Variants in EXOSC10 observed in about 807,000 individuals in gnomAD.
The protein encoded by EXOSC10 is exosome complex component 10.
EXOSC10 carries 94 observed loss-of-function variants against 126.6 expected under a neutral mutation model. The observed-to-expected ratio is 0.74, with a 90% CI of 0.63 to 0.88. The LOEUF (loss-of-function observed/expected upper bound fraction) is 0.88, where lower values mean the gene tolerates loss of function less well. EXOSC10 is among the 40% of genes least tolerant of loss of function. The probability of loss-of-function intolerance (pLI) is 0.00; values close to 1 mark genes in which losing one functional copy is unlikely to be tolerated. For missense variants in EXOSC10, 1,041 were observed against 1,100.5 expected, an observed-to-expected ratio of 0.95 and a Z score of 0.77; for synonymous variants, 395 against 400.8, an observed-to-expected ratio of 0.99 and a Z score of 0.17.
At chr1:11,080,207 C>G (rs1389252380) in intron 13 of EXOSC10, among the ~76,000 whole-genome samples, 1 of 152,168 alleles carries the variant, frequency 6.6e-6, no homozygotes, top group Non-Finnish European at 1.5e-5. Context: ...GTACAGATGA[C>G]AGAATCTGGG....
At chr1:11,090,864 A>C in intron 5 of EXOSC10, 150 bp downstream of exon 5, 1 of 965,486 alleles carries the variant, frequency 1.0e-6, no homozygotes, top group Admixed American at 2.4e-5. Flanking sequence ...TGATCCTCCC[A>C]CTTCAGCCTC....
At chr1:11,066,894 G>T in intron 24 of EXOSC10, 146 bp from the exon 25 acceptor site, 1 of 839,018 alleles carries the variant, frequency 1.2e-6, no homozygotes, top group Non-Finnish European at 2.0e-6. Context: ...CGGCCCACCA[G>T]AGTTGGCTGA....
chr1:11,091,280 G>T, intron 4 of EXOSC10, 101 bp from the exon 5 acceptor site: 2 of 1,182,372 alleles, frequency 1.7e-6, no homozygotes, highest in Non-Finnish European at 2.4e-6. Context: ...ACATCGCAAA[G>T]GTCATTCATT....
At chr1:11,090,759 CTTTT>C (rs890716203) in intron 5 of EXOSC10, 91 bp from the exon 6 acceptor site, 6 of 908,624 alleles carry the variant, frequency 6.6e-6, no homozygotes, top group South Asian at 2.0e-5. Flanking sequence ...TGTTTTTTGG[CTTTT>C]TTTTTTGAGA....
chr1:11,088,671 C>T (rs1043817213), intron 6 of EXOSC10, among the ~76,000 whole-genome samples: 8 of 152,186 alleles, frequency 5.3e-5, no homozygotes. Context: ...CACGGTAGCC[C>T]AGGAGGGCAG....
chr1:11,077,101 C>G, intron 16 of EXOSC10, 153 bp from the exon 17 acceptor site: 2 of 641,930 alleles, frequency 3.1e-6, no homozygotes, highest in Non-Finnish European at 5.4e-6. Flanking sequence ...AAGTGATTCT[C>G]CTGCCTCTGC....
At position 11,081,227 on chromosome 1, in the gene EXOSC10, T is replaced by C. The variant is rs556624471; in HGVS notation, c.1292A>G (p.Glu431Gly). ...ATCCCGGGCGTAGCTGAGCATCTCC[T>C]CGGGCAGAGGGCTGGAATTGCAGAG... Reference protein sequence around the residue: ...LADWRIRPLPEEMLSYARDDT... With the variant: ...LADWRIRPLPGEMLSYARDDT... The change falls in exon 11 of 25, where the codon GAG (glutamate) becomes GGG (glycine). Residue 431 changes from glutamate (E) to glycine (G), a missense_variant. Physicochemically the swap from Glu to Gly is moderately conservative, Grantham distance 98. This residue lies in a region of EXOSC10 where 645 missense variants were observed against 656.3 expected (regional missense o/e 0.98). Transcript: ENST00000376936. 5.9e-5 allele frequency: 96 copies of C among 1,614,052 alleles called. No homozygotes were observed. Among genetic ancestry groups the C allele is most frequent in the Non-Finnish European group, 8.0e-5 (94 of 1,180,024 alleles).
chr1:11,090,411 T>A, intron 6 of EXOSC10, 143 bp downstream of exon 6: 1 of 723,520 alleles, frequency 1.4e-6, no homozygotes, highest in Non-Finnish European at 2.5e-6. Context: ...AAACAGCAGG[T>A]TTTATTGCTA....
intron 21 of EXOSC10, 121 bp downstream of exon 21, chr1:11,070,779 G>C: frequency 1.2e-6 from 1 of 835,782 alleles, no homozygotes; most frequent in Non-Finnish European, 1.9e-6. Flanking sequence ...AAGGTGAACC[G>C]GAAAGAAGTC....
At chr1:11,095,986 ATC>A in intron 2 of EXOSC10, 105 bp from the exon 3 acceptor site, 1 of 1,229,884 alleles carries the variant, frequency 8.1e-7, no homozygotes, top group Non-Finnish European at 1.1e-6. Context: ...TTCCCAACAC[ATC>A]TTTTTTTTTT....
chr1:11,071,276 CA>C (rs1315798286), intron 20 of EXOSC10: 1 of 377,676 alleles, frequency 2.6e-6, no homozygotes, highest in Non-Finnish European at 4.8e-6. Flanking sequence ...TCACCATCAC[CA>C]TCGTGGACAA....
At chr1:11,069,416 C>A in intron 22 of EXOSC10, 143 bp downstream of exon 22, 2 of 950,592 alleles carry the variant, frequency 2.1e-6, no homozygotes, top group Non-Finnish European at 3.2e-6. Flanking sequence ...ATTGCCACGG[C>A]CTCTCTGGAC....
intron 8 of EXOSC10, 41 bp from the exon 9 acceptor site, chr1:11,087,632 A>AT: frequency 6.2e-7 from 1 of 1,608,954 alleles, no homozygotes; most frequent in Non-Finnish European, 8.5e-7. Context: ...AAAAACAAAG[A>AT]TTATATTAGA....
rs1338304466 is a variant in EXOSC10 at position 11,081,011 on chromosome 1, C to G, written c.1437+71G>C. The G allele has an allele frequency of 5.0e-6, 8 of 1,591,376 alleles. No homozygotes were observed. The Admixed American group carries it at 1.0e-4, about 21-fold the overall frequency. On this transcript the variant is annotated intron_variant, in intron 11 of 24. Coordinates refer to ENST00000376936, the MANE Select transcript of EXOSC10 (RefSeq NM_001001998.3). ...TCTTTTCATGAATGTAAGGAGCAAA[C>G]CTAAGAACTAGAACCTGGCCAGACA...
chr1:11,090,438 G>T (rs1054519336), intron 6 of EXOSC10, 116 bp downstream of exon 6: 2 of 832,820 alleles, frequency 2.4e-6, no homozygotes, highest in Non-Finnish European at 4.0e-6. Flanking sequence ...AGGTTGGGGT[G>T]TAAGGAGGAA....
chr1:11,076,606 A>C (rs983853905), intron 17 of EXOSC10, among the ~76,000 whole-genome samples: 4 of 152,218 alleles, frequency 2.6e-5, no homozygotes, highest in Non-Finnish European at 5.9e-5. Flanking sequence ...CTTTCCTGGA[A>C]GATTTCTTCA....
Position 11,098,137 on chromosome 1 carries a change from A to T in EXOSC10, c.131T>A (p.Val44Glu). The change falls in exon 2 of 25, where the codon GTG becomes GAG. Residue 44 changes from valine to glutamate, a missense_variant. This residue lies in a region of EXOSC10 where 645 missense variants were observed against 656.3 expected (regional missense o/e 0.98). Coordinates refer to ENST00000376936, the MANE Select transcript of EXOSC10 (RefSeq NM_001001998.3). ...SFVKFALGSV[V>E]AVTKASGGLP... Reference sequence around the variant, plus strand: ...GCCCCCAGATGCCTTGGTGACTGCCACCACGGACCCAAGAGCAAACTGTCA... The same window carrying T: ...GCCCCCAGATGCCTTGGTGACTGCCTCCACGGACCCAAGAGCAAACTGTCA... 1 of 1,608,266 alleles carries T rather than the reference A, an allele frequency of 6.2e-7. No homozygotes were observed. The highest frequency in any genetic ancestry group is 8.5e-7 in the Non-Finnish European group (1 of 1,178,440).
intron 1 of EXOSC10, 54 bp downstream of exon 1, chr1:11,099,667 G>A (rs933820726): frequency 5.3e-6 from 8 of 1,507,852 alleles, no homozygotes; most frequent in East Asian, 2.5e-5. Context: ...GGGCCCAGTC[G>A]GCTTCCGGCG....
intron 3 of EXOSC10, among the ~76,000 whole-genome samples, chr1:11,093,448 T>C (rs1640905926): frequency 6.6e-6 from 1 of 152,176 alleles, no homozygotes; most frequent in African/African-American, 2.4e-5. Flanking sequence ...GAAATCACAA[T>C]ATACCAGAAA....
Sources: gnomAD v4.1 joint callset for allele counts (sites outside exome capture counted in the v4.1 genomes callset) on GRCh38, gnomAD v4.1.1 for gene constraint, gnomAD v4.1.1 regional missense constraint, MANE v1.5 for transcripts, NCBI Gene and HGNC (gene_info 2026-07-23, HGNC 2026-07-21) for gene names.